PIK3C2G: variants seen among roughly 807,000 people sequenced by gnomAD.
PIK3C2G encodes the protein phosphatidylinositol-4-phosphate 3-kinase catalytic subunit type 2 gamma.
Under a neutral mutation model 181.1 loss-of-function variants are expected in PIK3C2G, and 168 were observed. The ratio of observed to expected loss-of-function variants is 0.93; its 90% CI spans 0.82 to 1.05. The LOEUF (loss-of-function observed/expected upper bound fraction) is 1.05, where lower values mean the gene tolerates loss of function less well. Ranked by LOEUF, PIK3C2G falls within the 50% of genes least tolerant of loss-of-function variation. The pLI is 0.00. For missense variants in PIK3C2G, 1,869 were observed against 1,732.8 expected, an observed-to-expected ratio of 1.08 and a Z score of -1.40; for synonymous variants, 573 against 592.2, an observed-to-expected ratio of 0.97 and a Z score of 0.47.
chr12:18,411,232 C>A (rs1440543773), intron 16 of PIK3C2G, among the ~76,000 whole-genome samples: 3 of 151,938 alleles, frequency 2.0e-5, no homozygotes, highest in Admixed American at 2.0e-4. Context: ...AATATCCAGT[C>A]AAAAAAATGA....
intron 7 of PIK3C2G, among the ~76,000 whole-genome samples, chr12:18,324,808 T>A (rs946371117): frequency 9.2e-5 from 14 of 152,248 alleles, no homozygotes; most frequent in Non-Finnish European, 1.9e-4. Flanking sequence ...TATCATGAAT[T>A]CTTTGGAGTT....
rs775987131 is a variant in PIK3C2G at position 18,648,049 on chromosome 12, A to G, written c.*21A>G. Reference sequence around the variant, plus strand: ...TTTGACCATTGCTATGAACATATGCATTATTCATTAACTACTTGTATTTTT... The same window carrying G: ...TTTGACCATTGCTATGAACATATGCGTTATTCATTAACTACTTGTATTTTT... On this transcript the variant is annotated 3_prime_UTR_variant, in exon 33 of 33. Coordinates refer to ENST00000538779, the MANE Select transcript of PIK3C2G (RefSeq NM_001288772.2). 20 of 1,491,894 alleles carry G rather than the reference A, an allele frequency of 1.3e-5. No homozygotes were observed. The highest frequency in any genetic ancestry group is 6.4e-6 in the Non-Finnish European group (7 of 1,102,036). The allele number at this position is 1,491,894 out of a possible 1,614,324, so 92.4% of individuals were successfully genotyped here.
Position 18,476,198 on chromosome 12 carries a change from T to C in PIK3C2G, c.2505-12251T>C, listed in dbSNP as rs12310923. Among the ~76,000 whole-genome samples, 370 of 152,196 alleles carry C rather than the reference T, an allele frequency of 2.4e-3. 2 individuals carry two copies. Among genetic ancestry groups the C allele is most frequent in the African/African-American group, 8.5e-3 (353 of 41,528 alleles). Reference sequence around the variant, plus strand: ...ATCCAAGGAAGCTTTTTTTAGAAAATGTGCTAAGTTAAACATTAAAAGATA... The same window carrying C: ...ATCCAAGGAAGCTTTTTTTAGAAAACGTGCTAAGTTAAACATTAAAAGATA... On this transcript the variant is annotated intron_variant, in intron 18 of 32. Coordinates refer to ENST00000538779, the MANE Select transcript of PIK3C2G (RefSeq NM_001288772.2).
chr12:18,394,356 C>T (rs992874808), intron 15 of PIK3C2G, among the ~76,000 whole-genome samples: 4 of 152,006 alleles, frequency 2.6e-5, no homozygotes, highest in Admixed American at 2.6e-4. Context: ...CAATAATGTA[C>T]TTTTCTAAAT....
rs75541226 is a variant in PIK3C2G, at chr12:18,627,758, C to T, written c.4183-12671C>T. Among the ~76,000 whole-genome samples, 506 of 152,266 alleles carry T rather than the reference C, an allele frequency of 3.3e-3. 2 individuals are homozygous for T. Among genetic ancestry groups the T allele is most frequent in the African/African-American group, 0.012 (485 of 41,552 alleles). On this transcript the variant is annotated intron_variant, in intron 31 of 32. Transcript: ENST00000538779. ...TTTAAAAACTGCAATGTGACAGGCA[C>T]ATAGATGAGAAAATGCTTTTATATT...
intron 26 of PIK3C2G, among the ~76,000 whole-genome samples, chr12:18,558,047 G>T (rs968963497): frequency 6.6e-6 from 1 of 152,142 alleles, no homozygotes; most frequent in African/African-American, 2.4e-5. Flanking sequence ...GCCTAGAATA[G>T]TGAAGAGCCC....
intron 24 of PIK3C2G, among the ~76,000 whole-genome samples, chr12:18,534,837 C>A (rs1385393919): frequency 3.4e-5 from 5 of 146,332 alleles, no homozygotes; most frequent in African/African-American, 1.3e-4. Context: ...AAAGTAGTTA[C>A]AATATGAATA....
At chr12:18,357,577 C>A (rs541577917) in intron 11 of PIK3C2G, among the ~76,000 whole-genome samples, 59 of 152,204 alleles carry the variant, frequency 3.9e-4, no homozygotes, top group Non-Finnish European at 7.1e-4. Flanking sequence ...AAATCTAGTG[C>A]TAAATAATTT....
At chr12:18,511,251 A>G (rs145434578) in intron 24 of PIK3C2G, among the ~76,000 whole-genome samples, 1 of 152,100 alleles carries the variant, frequency 6.6e-6, no homozygotes, top group African/African-American at 2.4e-5. Flanking sequence ...ATTTGTTTCC[A>G]TATCTTGGCT....
chr12:18,717,153 T>C, the PIK3C2G span, among the ~76,000 whole-genome samples: 1 of 152,050 alleles, frequency 6.6e-6, no homozygotes, highest in Non-Finnish European at 1.5e-5. Flanking sequence ...AAATTTGCAG[T>C]TGGGTGAAAC....
the PIK3C2G span, among the ~76,000 whole-genome samples, chr12:18,704,514 C>T: frequency 3.3e-5 from 5 of 151,874 alleles, no homozygotes; most frequent in African/African-American, 4.8e-5. Flanking sequence ...TTAGTAGAGA[C>T]GGGGTTTCAC....
intron 29 of PIK3C2G, among the ~76,000 whole-genome samples, chr12:18,572,145 TTATTTAC>T (rs1945978409): frequency 7.1e-6 from 1 of 141,128 alleles, no homozygotes; most frequent in African/African-American, 2.9e-5. Flanking sequence ...GTGTCTTATA[TTATTTAC>T]AAATAATGTA....
intron 18 of PIK3C2G, among the ~76,000 whole-genome samples, chr12:18,460,656 G>C (rs1293604218): frequency 1.5e-5 from 2 of 129,404 alleles, no homozygotes; most frequent in African/African-American, 6.4e-5. Flanking sequence ...ATAGCACTTA[G>C]CACACTGCCT....
chr12:18,362,345 T>G (rs1941313059), intron 11 of PIK3C2G, among the ~76,000 whole-genome samples: 1 of 152,174 alleles, frequency 6.6e-6, no homozygotes, highest in African/African-American at 2.4e-5. Context: ...CGTCCCCGTG[T>G]TCTCTTTCCC....
intron 13 of PIK3C2G, among the ~76,000 whole-genome samples, chr12:18,375,681 G>T (rs186404766): frequency 6.6e-6 from 1 of 152,210 alleles, no homozygotes; most frequent in African/African-American, 2.4e-5. Flanking sequence ...TGTGAAAAAG[G>T]TCTCAAAGGC....
intron 15 of PIK3C2G, among the ~76,000 whole-genome samples, chr12:18,395,425 T>A (rs1943820793): frequency 6.6e-6 from 1 of 150,410 alleles, no homozygotes; most frequent in Non-Finnish European, 1.5e-5. Flanking sequence ...AAAATTATGT[T>A]GCAAAAATTA....
intron 18 of PIK3C2G, among the ~76,000 whole-genome samples, chr12:18,456,020 C>T (rs1947607019): frequency 6.6e-6 from 1 of 152,118 alleles, no homozygotes; most frequent in African/African-American, 2.4e-5. Context: ...TCAGTCCCAG[C>T]AATGTTTGTT....
chr12:18,286,198 A>T (rs1037114292), intron 2 of PIK3C2G, among the ~76,000 whole-genome samples: 27 of 152,166 alleles, frequency 1.8e-4, no homozygotes, highest in Admixed American at 1.6e-3. Context: ...TTAATCCTAC[A>T]TGCACTCACT....
chr12:18,615,588 C>A (rs972197728), intron 31 of PIK3C2G, among the ~76,000 whole-genome samples: 2 of 151,712 alleles, frequency 1.3e-5, no homozygotes, highest in African/African-American at 2.4e-5. Context: ...GGGTAGGTGC[C>A]CAGTAGTGAG....
Sources: allele counts gnomAD v4.1 joint callset (sites outside exome capture counted in the v4.1 genomes callset), GRCh38; gene constraint gnomAD v4.1.1; transcripts MANE v1.5; gene names NCBI Gene and HGNC (gene_info 2026-07-23, HGNC 2026-07-21).